The following POLR1D variants were observed in gnomAD, a reference collection of about 807,000 sequenced individuals.
POLR1D encodes the protein RNA polymerase I and III subunit D, also known as DNA-directed RNA polymerases I and III subunit RPAC2.
POLR1D carries 8 observed loss-of-function variants against 10.8 expected under a neutral mutation model. That is an observed-to-expected ratio of 0.74 (90% CI 0.43 to 1.33). The LOEUF is 1.33. Among genes scored for constraint, POLR1D ranks in the 40% most tolerant of loss-of-function variants. POLR1D has a pLI of 0.01. For synonymous variants in POLR1D, 54 were observed against 57.2 expected (o/e 0.94, Z 0.25); for missense variants, 152 against 161.7 (o/e 0.94, Z 0.32).
At chr13:27,621,777 G>C (rs943107500), upstream of POLR1D, 2 of 410,388 alleles carry the variant, frequency 4.9e-6, no homozygotes, top group African/African-American at 4.2e-5. Flanking sequence ...CGCTCACCCC[G>C]CGTCGGGGCG....
chr13:27,631,583 A>G (rs1237471654), intron 1 of POLR1D, among the ~76,000 whole-genome samples: 9 of 152,168 alleles, frequency 5.9e-5, no homozygotes, highest in African/African-American at 1.4e-4. Flanking sequence ...ATCACTCTCT[A>G]TTCCTTTACC....
At chr13:27,640,044 T>C (rs1956160451) in intron 1 of POLR1D, among the ~76,000 whole-genome samples, 1 of 152,188 alleles carries the variant, frequency 6.6e-6, no homozygotes, top group Admixed American at 6.6e-5. Flanking sequence ...TTTCCTTATA[T>C]TCTCCTTATT....
At chr13:27,652,884 A>G (rs1199936519) in intron 2 of POLR1D, among the ~76,000 whole-genome samples, 1 of 142,316 alleles carries the variant, frequency 7.0e-6, no homozygotes, top group African/African-American at 2.6e-5. Flanking sequence ...AAAAAAGAAA[A>G]CTTGCCAGAA....
At chr13:27,661,036 A>G (rs1456417413) in intron 2 of POLR1D, 1 of 152,254 alleles carries the variant, frequency 6.6e-6, no homozygotes, top group Admixed American at 6.5e-5. Context: ...AAAGTTAGAT[A>G]CTACTACCTC....
intron 1 of POLR1D, among the ~76,000 whole-genome samples, chr13:27,632,641 A>ACCCCCCCCCCC (rs11378549): frequency 9.2e-4 from 133 of 145,200 alleles, no homozygotes; most frequent in Non-Finnish European, 1.5e-3. Context: ...AAATTGCAGC[A>ACCCCCCCCCCC]CCCCCCGCCC....
chr13:27,657,400 C>T (rs1248299652), intron 2 of POLR1D, among the ~76,000 whole-genome samples: 2 of 152,012 alleles, frequency 1.3e-5, no homozygotes, highest in Non-Finnish European at 2.9e-5. Flanking sequence ...CATGGTGGCG[C>T]CTGTGTTCCC....
At chr13:27,648,316 T>A in intron 1 of POLR1D, 1 of 1,076,420 alleles carries the variant, frequency 9.3e-7, no homozygotes, top group Non-Finnish European at 1.4e-6. Context: ...GGACCTGGAA[T>A]GAATTGATTT....
downstream of POLR1D, among the ~76,000 whole-genome samples, chr13:27,628,004 C>T (rs1956034657): frequency 6.6e-6 from 1 of 152,160 alleles, no homozygotes; most frequent in African/African-American, 2.4e-5. Flanking sequence ...TTTGTTTATC[C>T]TACCATTCCC....
intron 1 of POLR1D, among the ~76,000 whole-genome samples, chr13:27,633,408 C>T (rs1362755688): frequency 6.6e-6 from 1 of 152,026 alleles, no homozygotes; most frequent in East Asian, 1.9e-4. Context: ...ATTCCCAGAC[C>T]GATAATATTT....
chr13:27,627,902 CA>C (rs1256481464), downstream of POLR1D, among the ~76,000 whole-genome samples: 1 of 151,342 alleles, frequency 6.6e-6, no homozygotes, highest in African/African-American at 2.4e-5. Context: ...AATGCTTAAA[CA>C]AAAAAAGTAA....
chr13:27,630,576 C>T (rs985115636), intron 1 of POLR1D, among the ~76,000 whole-genome samples: 1 of 152,176 alleles, frequency 6.6e-6, no homozygotes, highest in East Asian at 1.9e-4. Context: ...TGGCTCCACA[C>T]TTCCTATCTT....
At chr13:27,647,515 AC>A (rs1425105252) in intron 1 of POLR1D, among the ~76,000 whole-genome samples, 1 of 151,934 alleles carries the variant, frequency 6.6e-6, no homozygotes, top group Non-Finnish European at 1.5e-5. Flanking sequence ...AAGCCACCAC[AC>A]CTAGCCGTCT....
In POLR1D at chr13:27,622,340, CT is replaced by C. The variant is rs1799720094; in HGVS notation, c.26+334del. 18 of 469,344 alleles carry C rather than the reference CT, an allele frequency of 3.8e-5. No individual in the cohort carries two copies. The South Asian group carries it at 4.6e-4, about 12-fold the overall frequency. 29.1% of individuals were successfully genotyped at this position (469,344 alleles called of 1,614,324 possible). ...TGTCCCTGTAACTACGGCTCACCTTCTTTCTATGTGCAGACTGCTCCTAAAG... is the reference window on the plus strand; with the variant it reads ...TGTCCCTGTAACTACGGCTCACCTTCTTCTATGTGCAGACTGCTCCTAAAG... On this transcript the variant is annotated intron_variant, in intron 1 of 1. Coordinates refer to ENST00000302979, the MANE Select transcript of POLR1D (RefSeq NM_015972.4).
At chr13:27,625,632 C>G (rs1956000788), downstream of POLR1D, among the ~76,000 whole-genome samples, 1 of 150,980 alleles carries the variant, frequency 6.6e-6, no homozygotes, top group Non-Finnish European at 1.5e-5. Context: ...TTTATGAGTC[C>G]TTGCCATAAA....
At chr13:27,643,823 A>G (rs1276666748) in intron 1 of POLR1D, among the ~76,000 whole-genome samples, 1 of 152,204 alleles carries the variant, frequency 6.6e-6, no homozygotes, top group African/African-American at 2.4e-5. Flanking sequence ...TTCCCAGTCA[A>G]CAGCAGCAAA....
At position 27,621,892 on chromosome 13, in the gene POLR1D, C is replaced by G. The variant is rs1955931797; in HGVS notation, c.-92C>G. 45 of 1,386,922 alleles carry G rather than the reference C, an allele frequency of 3.2e-5. No homozygotes were observed. Among genetic ancestry groups the G allele is most frequent in the Non-Finnish European group, 4.4e-5 (44 of 996,228 alleles). 85.9% of individuals were successfully genotyped at this position (1,386,922 alleles called of 1,614,324 possible). ...TCCTCCGCGCCTTCCGTCGGTCGGT[C>G]CTTGCTTCCTGCTTCGCCTCCGCGC... On this transcript the variant is annotated 5_prime_UTR_variant, in exon 1 of 2. Transcript: ENST00000302979.
intron 2 of POLR1D, chr13:27,649,987 A>T: frequency 2.5e-6 from 1 of 398,280 alleles, no homozygotes; most frequent in Non-Finnish European, 4.4e-6. Context: ...AGCTTCAATA[A>T]TTCACTGGAA....
At chr13:27,638,350 A>G (rs923481650) in intron 1 of POLR1D, among the ~76,000 whole-genome samples, 1 of 152,228 alleles carries the variant, frequency 6.6e-6, no homozygotes, top group Non-Finnish European at 1.5e-5. Flanking sequence ...AAGTATACAC[A>G]TGTTTTCTTC....
intron 1 of POLR1D, among the ~76,000 whole-genome samples, chr13:27,636,356 A>T (rs1252867791): frequency 6.6e-6 from 1 of 152,190 alleles, no homozygotes; most frequent in Non-Finnish European, 1.5e-5. Context: ...TTTATATGAC[A>T]AAGTTAAACC....
Sources: allele counts gnomAD v4.1 joint callset (sites outside exome capture counted in the v4.1 genomes callset), GRCh38; gene constraint gnomAD v4.1.1; transcripts MANE v1.5; gene names NCBI Gene and HGNC (gene_info 2026-07-23, HGNC 2026-07-21).